The following SOX5 variants were observed in gnomAD, a reference collection of about 807,000 sequenced individuals.
SOX5 encodes SRY-box transcription factor 5.
Under a neutral mutation model 92.0 loss-of-function variants are expected in SOX5, and 9 were observed. That is an observed-to-expected ratio of 0.10 (90% CI 0.06 to 0.17). SOX5 has a LOEUF of 0.17. Ranked by LOEUF, SOX5 falls within the 10% of genes least tolerant of loss-of-function variation. SOX5 has a pLI of 1.00. For missense variants in SOX5, 642 were observed against 944.5 expected, an observed-to-expected ratio of 0.68 and a Z score of 4.20; for synonymous variants, 344 against 336.3, an observed-to-expected ratio of 1.02 and a Z score of -0.25.
chr12:23,842,823 A>AT (rs1267050579), intron 3 of SOX5, among the ~76,000 whole-genome samples: 2 of 152,178 alleles, frequency 1.3e-5, no homozygotes, highest in Non-Finnish European at 2.9e-5. Context: ...AAATGCAAAT[A>AT]TTATGTAGAC....
intron 4 of SOX5, among the ~76,000 whole-genome samples, chr12:24,129,616 A>T (rs1012522789): frequency 2.0e-5 from 3 of 152,194 alleles, no homozygotes; most frequent in Admixed American, 1.3e-4. Context: ...TGGGGCTGCC[A>T]GCATCGCAAA....
At chr12:23,865,896 T>C (rs1408175191) in intron 2 of SOX5, among the ~76,000 whole-genome samples, 2 of 152,156 alleles carry the variant, frequency 1.3e-5, no homozygotes, top group African/African-American at 2.4e-5. Context: ...TTTGTGGGGC[T>C]CAAGACTTCA....
intron 4 of SOX5, among the ~76,000 whole-genome samples, chr12:24,180,050 T>C (rs35765077): frequency 0.033 from 4,956 of 151,868 alleles, 96 homozygotes; most frequent in South Asian, 0.067. Context: ...GCTCAAGCAA[T>C]CCTCCCACCT....
intron 4 of SOX5, among the ~76,000 whole-genome samples, chr12:24,098,283 A>T (rs1945666997): frequency 6.6e-6 from 1 of 152,182 alleles, no homozygotes. Context: ...TCCAGCATGA[A>T]TCCTCTATTA....
chr12:23,746,181 C>A (rs1296283013), intron 4 of SOX5, among the ~76,000 whole-genome samples: 1 of 152,086 alleles, frequency 6.6e-6, no homozygotes, highest in Non-Finnish European at 1.5e-5. Flanking sequence ...TCCCCAAGTG[C>A]TTAGAGAGAA....
chr12:24,554,745 C>T, intron 1 of SOX5, among the ~76,000 whole-genome samples: 1 of 152,182 alleles, frequency 6.6e-6, no homozygotes, highest in Middle Eastern at 3.2e-3. Context: ...TGCTCTCAAT[C>T]ACAATCCTGA....
At chr12:23,648,582 T>A (rs2081169527) in intron 7 of SOX5, among the ~76,000 whole-genome samples, 1 of 151,976 alleles carries the variant, frequency 6.6e-6, no homozygotes, top group Non-Finnish European at 1.5e-5. Flanking sequence ...CAAAATAGAG[T>A]CTGTCTGGTA....
At chr12:24,123,538 C>G (rs1565482361) in intron 4 of SOX5, among the ~76,000 whole-genome samples, 1 of 152,254 alleles carries the variant, frequency 6.6e-6, no homozygotes, top group East Asian at 1.9e-4. Context: ...TTTCATTACC[C>G]AACCATCATG....
chr12:23,955,195 A>G (rs558812093), upstream of SOX5, among the ~76,000 whole-genome samples: 7 of 152,260 alleles, frequency 4.6e-5, no homozygotes, highest in South Asian at 4.1e-4. Flanking sequence ...AGTATAGAGT[A>G]TACAGGAAAG....
In SOX5 at chr12:24,492,103, C is replaced by G. The variant is rs1461529748; in HGVS notation, c.-251+70226G>C. ...TTTAAGCTTGGTAACCTTACTCAAA[C>G]TAATCAAAAGAGGAAGGAAGCATGG... is the stretch of plus-strand genomic sequence containing the variant. On this transcript the variant is annotated intron_variant, in intron 1 of 4. Transcript: ENST00000446891. Among the ~76,000 whole-genome samples, 4 of 152,138 alleles carry G rather than the reference C, an allele frequency of 2.6e-5. No individual in the cohort carries two copies. In the East Asian group the frequency reaches 5.8e-4, roughly 22 times the overall value.
At chr12:24,164,071 T>C (rs1953094801) in intron 4 of SOX5, among the ~76,000 whole-genome samples, 1 of 152,140 alleles carries the variant, frequency 6.6e-6, no homozygotes, top group Non-Finnish European at 1.5e-5. Flanking sequence ...GAACAAATAA[T>C]CCTCTACTTA....
At chr12:23,934,425 A>G (rs1234536020) in intron 1 of SOX5, among the ~76,000 whole-genome samples, 2 of 149,572 alleles carry the variant, frequency 1.3e-5, no homozygotes, top group Non-Finnish European at 3.0e-5. Flanking sequence ...TGATGTGTAT[A>G]TATGTATACA....
At chr12:24,128,698 C>A (rs1014267062) in intron 4 of SOX5, among the ~76,000 whole-genome samples, 2 of 152,112 alleles carry the variant, frequency 1.3e-5, no homozygotes. Context: ...ACCCGCAGGG[C>A]CTTTTTGGTC....
chr12:24,462,938 T>C (rs1943805378), intron 1 of SOX5, among the ~76,000 whole-genome samples: 1 of 152,140 alleles, frequency 6.6e-6, no homozygotes, highest in Admixed American at 6.5e-5. Context: ...CATTTGTTGG[T>C]GGGGTGCAGT....
At chr12:24,268,921 C>T (rs1171950487) in intron 3 of SOX5, among the ~76,000 whole-genome samples, 4 of 152,134 alleles carry the variant, frequency 2.6e-5, no homozygotes, top group Non-Finnish European at 5.9e-5. Flanking sequence ...TTTTTAGCTG[C>T]CATCCCCATT....
At chr12:23,849,641 G>A (rs566161237) in intron 2 of SOX5, among the ~76,000 whole-genome samples, 209 of 152,258 alleles carry the variant, frequency 1.4e-3, no homozygotes, top group African/African-American at 4.8e-3. Context: ...GTATGAAAAT[G>A]AGAGGTTTCC....
chr12:23,813,270 T>C (rs2095912207), intron 3 of SOX5, among the ~76,000 whole-genome samples: 1 of 152,210 alleles, frequency 6.6e-6, no homozygotes, highest in Non-Finnish European at 1.5e-5. Context: ...GCCTGAAGAA[T>C]GGTTCAGTTA....
chr12:24,509,060 T>C (rs1224198171), intron 1 of SOX5, among the ~76,000 whole-genome samples: 1 of 152,202 alleles, frequency 6.6e-6, no homozygotes, highest in African/African-American at 2.4e-5. Flanking sequence ...CCTACTTTGC[T>C]CATCCTAAAA....
At chr12:24,117,350 C>T (rs912701715) in intron 4 of SOX5, among the ~76,000 whole-genome samples, 1 of 152,134 alleles carries the variant, frequency 6.6e-6, no homozygotes. Context: ...AACCCTTGTA[C>T]ACTGTTGGTG....
Sources: allele counts gnomAD v4.1 joint callset (sites outside exome capture counted in the v4.1 genomes callset), GRCh38; gene constraint gnomAD v4.1.1; transcripts MANE v1.5; gene names NCBI Gene and HGNC (gene_info 2026-07-23, HGNC 2026-07-21).